The following GNA14 variants were observed in gnomAD, a reference collection of about 807,000 sequenced individuals.
GNA14 encodes the protein G protein subunit alpha 14, also known as guanine nucleotide-binding protein subunit alpha-14.
A neutral mutation model predicts 42.0 loss-of-function variants in GNA14; 50 were observed. The ratio of observed to expected loss-of-function variants is 1.19; its 90% confidence interval spans 0.95 to 1.51. The LOEUF (loss-of-function observed/expected upper bound fraction) is 1.51. Among genes scored for constraint, GNA14 ranks in the 40% most tolerant of loss-of-function variants. GNA14 has a pLI of 0.00. For missense variants in GNA14, 473 were observed against 446.2 expected, an observed-to-expected ratio of 1.06 and a Z score of -0.54; for synonymous variants, 173 against 163.1, an observed-to-expected ratio of 1.06 and a Z score of -0.46.
At chr9:77,601,581 G>A (rs1172164751) in intron 1 of GNA14, among the ~76,000 whole-genome samples, 1 of 152,198 alleles carries the variant, frequency 6.6e-6, no homozygotes, top group African/African-American at 2.4e-5. Context: ...ATTTGCAGGA[G>A]TAGGTAGCTC....
At chr9:77,554,117 G>A (rs72730899) in intron 1 of GNA14, among the ~76,000 whole-genome samples, 2,247 of 152,278 alleles carry the variant, frequency 0.015, 48 homozygotes, top group African/African-American at 0.047. Flanking sequence ...ACCATGAACA[G>A]GCTCTCAATT....
At chr9:77,619,750 C>T (rs1433446018) in intron 1 of GNA14, among the ~76,000 whole-genome samples, 2 of 152,104 alleles carry the variant, frequency 1.3e-5, no homozygotes, top group South Asian at 2.1e-4. Context: ...AATGTTATTG[C>T]TATTGTTACT....
intron 2 of GNA14, among the ~76,000 whole-genome samples, chr9:77,471,560 T>C (rs1449404366): frequency 2.0e-5 from 3 of 152,106 alleles, no homozygotes; most frequent in Admixed American, 6.5e-5. Context: ...TATGAGAAGG[T>C]GAAAATCACA....
intron 1 of GNA14, among the ~76,000 whole-genome samples, chr9:77,601,848 C>A (rs1290607457): frequency 1.3e-5 from 2 of 152,230 alleles, no homozygotes; most frequent in East Asian, 3.9e-4. Flanking sequence ...AAGCCCTCCA[C>A]TCTTGGTAAC....
At chr9:77,424,224 C>A in intron 6 of GNA14, 55 bp from the exon 7 acceptor site, 2 of 1,266,098 alleles carry the variant, frequency 1.6e-6, no homozygotes, top group African/African-American at 1.5e-5. Context: ...CCATGTCCTC[C>A]CAAGAACCTT....
chr9:77,494,453 T>C (rs1292471388), intron 2 of GNA14, among the ~76,000 whole-genome samples: 4 of 137,922 alleles, frequency 2.9e-5, no homozygotes, highest in African/African-American at 1.0e-4. Context: ...TGTATTGTGA[T>C]TGAAAAAAAA....
At chr9:77,640,807 A>G (rs1324494429) in intron 1 of GNA14, among the ~76,000 whole-genome samples, 1 of 142,064 alleles carries the variant, frequency 7.0e-6, no homozygotes, top group Non-Finnish European at 1.5e-5. Flanking sequence ...TTTCTTCCCC[A>G]GCTGGGGAAG....
intron 1 of GNA14, among the ~76,000 whole-genome samples, chr9:77,627,063 C>A (rs895079130): frequency 2.6e-5 from 4 of 152,130 alleles, no homozygotes; most frequent in Admixed American, 6.5e-5. Flanking sequence ...CACTACTGAT[C>A]CCACAGAAAT....
chr9:77,640,756 C>A (rs1824243972), intron 1 of GNA14, among the ~76,000 whole-genome samples: 1 of 149,466 alleles, frequency 6.7e-6, no homozygotes, highest in African/African-American at 2.5e-5. Context: ...AGATCCAGTT[C>A]TCCAATAAAA....
intron 2 of GNA14, among the ~76,000 whole-genome samples, chr9:77,464,910 G>A (rs1836194600): frequency 6.6e-6 from 1 of 152,136 alleles, no homozygotes; most frequent in Admixed American, 6.5e-5. Flanking sequence ...AGAGGAGAAT[G>A]CCGTGTGAAG....
At chr9:77,544,224 C>A (rs1413402416) in intron 1 of GNA14, among the ~76,000 whole-genome samples, 1 of 152,134 alleles carries the variant, frequency 6.6e-6, no homozygotes, top group African/African-American at 2.4e-5. Flanking sequence ...TACAGAGAAT[C>A]TTAAGAATCA....
At chr9:77,500,753 T>G (rs1372595277) in intron 2 of GNA14, among the ~76,000 whole-genome samples, 1 of 152,226 alleles carries the variant, frequency 6.6e-6, no homozygotes, top group Non-Finnish European at 1.5e-5. Flanking sequence ...CTCTGAAGAT[T>G]CATCCAGGTT....
chr9:77,545,681 C>G (rs1274038989), intron 1 of GNA14, among the ~76,000 whole-genome samples: 1 of 152,184 alleles, frequency 6.6e-6, no homozygotes, highest in African/African-American at 2.4e-5. Context: ...TGCTGATTCC[C>G]TGGTCAGAGT....
intron 1 of GNA14, among the ~76,000 whole-genome samples, chr9:77,623,091 T>G (rs1209274281): frequency 6.7e-6 from 1 of 149,816 alleles, no homozygotes; most frequent in Non-Finnish European, 1.5e-5. Context: ...GGCATGCGCC[T>G]GTAGTTCCAG....
chr9:77,536,712 C>A (rs1471367311), intron 1 of GNA14, among the ~76,000 whole-genome samples: 1 of 152,148 alleles, frequency 6.6e-6, no homozygotes, highest in Non-Finnish European at 1.5e-5. Flanking sequence ...AGAAGAGCAG[C>A]AATTCCAAAT....
chr9:77,472,446 A>G (rs1836348269), intron 2 of GNA14, among the ~76,000 whole-genome samples: 1 of 152,198 alleles, frequency 6.6e-6, no homozygotes. Flanking sequence ...AATAAAAAGA[A>G]ATAAAAGGCA....
chr9:77,643,618 G>T (rs888036715), intron 1 of GNA14, among the ~76,000 whole-genome samples: 3 of 152,150 alleles, frequency 2.0e-5, no homozygotes, highest in African/African-American at 4.8e-5. Flanking sequence ...GAACATGATG[G>T]CTAATTCTGA....
rs145574998 is a variant in GNA14, at chr9:77,588,756, G to T, written c.124+58914C>A. The stretch of plus-strand genomic sequence containing the variant: ...CTGTCAAACCTGAATCTGAGTCAGA[G>T]GTCACCTTAGCCCCAGGAAGTCCTT... On this transcript the variant is annotated intron_variant, in intron 1 of 6. Transcript: ENST00000341700. Among the ~76,000 whole-genome samples, 871 of 152,280 alleles carry T rather than the reference G, an allele frequency of 5.7e-3. 11 individuals carry two copies. The highest frequency in any genetic ancestry group is 0.02 in the African/African-American group (817 of 41,548).
intron 2 of GNA14, among the ~76,000 whole-genome samples, chr9:77,515,446 T>C (rs1192135936): frequency 6.6e-6 from 1 of 152,214 alleles, no homozygotes; most frequent in Non-Finnish European, 1.5e-5. Context: ...GGGCAGCCAC[T>C]GCTGCCAAAA....
Sources: gnomAD v4.1 joint callset for allele counts (sites outside exome capture counted in the v4.1 genomes callset) on GRCh38, gnomAD v4.1.1 for gene constraint, MANE v1.5 for transcripts, NCBI Gene and HGNC (gene_info 2026-07-23, HGNC 2026-07-21) for gene names.